The following SEMA7A variants were observed in gnomAD, a reference collection of about 807,000 sequenced individuals.
The protein encoded by SEMA7A is semaphorin-7A.
Under a neutral mutation model 67.5 loss-of-function variants are expected in SEMA7A, and 21 were observed. That is an observed-to-expected ratio of 0.31 (90% CI 0.22 to 0.45). The LOEUF (loss-of-function observed/expected upper bound fraction) is 0.45, where lower values mean the gene tolerates loss of function less well. SEMA7A is among the 20% of genes least tolerant of loss of function. The pLI, the probability that SEMA7A is intolerant of heterozygous loss-of-function variation, is 1.00. For missense variants in SEMA7A, 774 were observed against 908.6 expected (o/e 0.85, Z 1.90); for synonymous variants, 364 against 368.5 (o/e 0.99, Z 0.14).
rs1219137284 is a variant in SEMA7A at position 74,411,072 on chromosome 15, G to C, written c.1640-87C>G. ...TCCTCCCCACGGACTGGGATCCCAGGACAAGGCTTCTGAATGAACGTGGGG... is the reference window on the plus strand; with the variant it reads ...TCCTCCCCACGGACTGGGATCCCAGCACAAGGCTTCTGAATGAACGTGGGG... On this transcript the variant is annotated intron_variant, in intron 13 of 13. Coordinates refer to ENST00000261918, the MANE Select transcript of SEMA7A (RefSeq NM_003612.5). This position sits in a 1 kb window ranked among gnomAD's most constrained non-coding sequence, Gnocchi z 4.4. 1 of 1,522,746 alleles carries C rather than the reference G, an allele frequency of 6.6e-7. No individual in the cohort carries two copies. Among genetic ancestry groups the C allele is most frequent in the Non-Finnish European group, 8.8e-7 (1 of 1,137,204 alleles). The allele number at this position is 1,522,746 out of a possible 1,614,324, so 94.3% of individuals were successfully genotyped here.
At chr15:74,425,186 T>C (rs1035642136) in intron 1 of SEMA7A, among the ~76,000 whole-genome samples, 1 of 152,220 alleles carries the variant, frequency 6.6e-6, no homozygotes, top group Admixed American at 6.5e-5. Context: ...AGGAAGATGA[T>C]GACGACGATG....
chr15:74,417,185 C>T lies in SEMA7A; in HGVS notation c.661+150G>A. On this transcript the variant is annotated intron_variant, in intron 6 of 13. Coordinates refer to ENST00000261918, the MANE Select transcript of SEMA7A (RefSeq NM_003612.5). ...TCTGTTCCTCTGCTCCCAGCCAACCCTAACTTCTCAGGCCTATACCAAGGT... is the reference window on the plus strand; with the variant it reads ...TCTGTTCCTCTGCTCCCAGCCAACCTTAACTTCTCAGGCCTATACCAAGGT... 1.8e-5 allele frequency: 12 copies of T among 665,392 alleles called. 1 individual carries two copies. In the South Asian group the frequency reaches 2.1e-4, roughly 12 times the overall value. 41.2% of individuals were successfully genotyped at this position (665,392 alleles called of 1,614,324 possible). A position where few individuals can be genotyped will look rare whatever the true frequency, so the allele number is the denominator to read the frequency against.
At chr15:74,432,942 C>T (rs1253846384) in intron 1 of SEMA7A, among the ~76,000 whole-genome samples, 1 of 152,120 alleles carries the variant, frequency 6.6e-6, no homozygotes, top group African/African-American at 2.4e-5. Flanking sequence ...CTCCAGTCCC[C>T]CAGGTTCTTA....
rs924734946 is a variant in SEMA7A, at chr15:74,433,922, G to C, written c.-4C>G. 6.3e-5 allele frequency: 79 copies of C among 1,245,420 alleles called. No individual in the cohort carries two copies. The highest frequency in any genetic ancestry group is 7.4e-5 in the Non-Finnish European group (74 of 997,618). 77.1% of individuals were successfully genotyped at this position (1,245,420 alleles called of 1,614,324 possible). A position where few individuals can be genotyped will look rare whatever the true frequency, so the allele number is the denominator to read the frequency against. On this transcript the variant is annotated 5_prime_UTR_variant, in exon 1 of 14. Transcript: ENST00000261918. ...GTCCGGGCGGAGGAGGCGTCATCCC[G>C]TGGCCCCGGGAGCGACAGCGGCAAT...
intron 10 of SEMA7A, among the ~76,000 whole-genome samples, chr15:74,413,871 C>A (rs981891746): frequency 2.0e-5 from 3 of 152,156 alleles, no homozygotes; most frequent in Non-Finnish European, 4.4e-5. Flanking sequence ...AGGCCCTTTC[C>A]AGTCTCAAGG....
At chr15:74,427,865 GGGGCTCCC>G (rs1567078771) in intron 1 of SEMA7A, among the ~76,000 whole-genome samples, 1 of 152,192 alleles carries the variant, frequency 6.6e-6, no homozygotes, top group Non-Finnish European at 1.5e-5. Flanking sequence ...CAGGAATGTG[GGGGCTCCC>G]CAAGGGCAAA....
chr15:74,412,091 G>T, intron 10 of SEMA7A, 79 bp from the exon 11 acceptor site: 2 of 1,549,192 alleles, frequency 1.3e-6, no homozygotes, highest in Non-Finnish European at 1.8e-6. Flanking sequence ...CCGGGGAGGG[G>T]TGGGAAGTCA....
intron 10 of SEMA7A, among the ~76,000 whole-genome samples, chr15:74,413,563 G>A (rs1229395550): frequency 1.3e-5 from 2 of 152,174 alleles, no homozygotes; most frequent in African/African-American, 4.8e-5. Context: ...ATCCCTGGCT[G>A]ACCACAACAG....
chr15:74,433,637 C>T (rs1326005052), intron 1 of SEMA7A, 104 bp downstream of exon 1: 1 of 1,296,698 alleles, frequency 7.7e-7, no homozygotes, highest in Non-Finnish European at 9.8e-7. Flanking sequence ...CAGCCCGGGA[C>T]CCGCAGAGCT....
chr15:74,411,639 C>T lies in SEMA7A; in HGVS notation c.1494G>A (p.Gly498=). 1 of 1,611,556 alleles carries T rather than the reference C, an allele frequency of 6.2e-7. No individual in the cohort carries two copies. The highest frequency in any genetic ancestry group is 1.7e-4 in the Middle Eastern group (1 of 5,946). ...VPLDLCEVYG[G]GCHGCLMSRD... is the part of the protein sequence containing the mutation. ...GGGACATGAGGCAACCGTGGCAGCC[C>T]CCGCCATAGACCTCACACAGGTCCA... The change falls in exon 12 of 14, where the codon GGG becomes GGA. Residue 498 remains glycine (G), a synonymous_variant. Coordinates refer to ENST00000261918, the MANE Select transcript of SEMA7A (RefSeq NM_003612.5). The surrounding 1 kb of genome is among the most constrained non-coding windows in gnomAD (Gnocchi z 4.4).
intron 1 of SEMA7A, among the ~76,000 whole-genome samples, chr15:74,422,240 C>T (rs2141284123): frequency 6.6e-6 from 1 of 152,164 alleles, no homozygotes; most frequent in Non-Finnish European, 1.5e-5. Context: ...CCTCCCCATC[C>T]TCTGGCGTCC....
chr15:74,424,518 C>T (rs538309096), intron 1 of SEMA7A, among the ~76,000 whole-genome samples: 65 of 152,286 alleles, frequency 4.3e-4, no homozygotes, highest in African/African-American at 1.4e-3. Flanking sequence ...CCTGTATTGC[C>T]GTTTTACAAA....
chr15:74,410,540 C>T lies in SEMA7A; in HGVS notation c.*84G>A. 6.7e-7 allele frequency: 1 copy of T among 1,501,440 alleles called. No individual in the cohort carries two copies. The highest frequency in any genetic ancestry group is 8.9e-7 in the Non-Finnish European group (1 of 1,121,680). The allele number at this position is 1,501,440 out of a possible 1,614,324, so 93.0% of individuals were successfully genotyped here. A position where few individuals can be genotyped will look rare whatever the true frequency, so the allele number is the denominator to read the frequency against. On this transcript the variant is annotated 3_prime_UTR_variant, in exon 14 of 14. Coordinates refer to ENST00000261918, the MANE Select transcript of SEMA7A (RefSeq NM_003612.5). This position sits in a 1 kb window ranked among gnomAD's most constrained non-coding sequence, Gnocchi z 7.5. ...CCTGGAAGAAGTGGCAGGCAAGGAG[C>T]TCCCGGGCCAGCCGGCTCTGAGTGT...
At chr15:74,431,604 T>A (rs2061089028) in intron 1 of SEMA7A, among the ~76,000 whole-genome samples, 1 of 152,230 alleles carries the variant, frequency 6.6e-6, no homozygotes, top group African/African-American at 2.4e-5. Context: ...CACCCACCAC[T>A]GGTAGACAGA....
At chr15:74,425,678 C>A (rs980595153) in intron 1 of SEMA7A, among the ~76,000 whole-genome samples, 1 of 152,298 alleles carries the variant, frequency 6.6e-6, no homozygotes, top group South Asian at 2.1e-4. Context: ...CCCTGGCATC[C>A]GTTTTGAATA....
chr15:74,417,864 G>A lies in SEMA7A; in HGVS notation c.465+13C>T, dbSNP rs900599114. ...GGTGAGCTGATCAGGCACATGGGGAGCAGCCTTCTCACCAGGTTCCAGCAG... is the reference window on the plus strand; with the variant it reads ...GGTGAGCTGATCAGGCACATGGGGAACAGCCTTCTCACCAGGTTCCAGCAG... On this transcript the variant is annotated intron_variant, in intron 4 of 13. Coordinates refer to ENST00000261918, the MANE Select transcript of SEMA7A (RefSeq NM_003612.5). 1.1e-5 allele frequency: 17 copies of A among 1,613,052 alleles called. No homozygotes were observed. In the African/African-American group the frequency reaches 1.7e-4, roughly 16 times the overall value.
In SEMA7A at chr15:74,423,067, C is replaced by T. The variant is rs2061013833; in HGVS notation, c.179-4115G>A. 6.6e-6 allele frequency among the ~76,000 whole-genome samples: 1 copy of T among 152,228 alleles called. No homozygotes were observed. The highest frequency in any genetic ancestry group is 2.1e-4 in the South Asian group (1 of 4,834). On this transcript the variant is annotated intron_variant, in intron 1 of 13. Coordinates refer to ENST00000261918, the MANE Select transcript of SEMA7A (RefSeq NM_003612.5). The surrounding 1 kb of genome is among the most constrained non-coding windows in gnomAD (Gnocchi z 4.1). ...TTTTGAAAGTGGGCAGAGAGTCAGG[C>T]TCTGAAAATGGCAGGAATGTGGGCA...
chr15:74,428,264 G>A (rs1246305131), intron 1 of SEMA7A, among the ~76,000 whole-genome samples: 2 of 152,246 alleles, frequency 1.3e-5, no homozygotes, highest in Non-Finnish European at 2.9e-5. Context: ...GCTAGCAGAG[G>A]AGGAAAGGCA....
In SEMA7A at chr15:74,432,291, G is replaced by C. The variant is rs539380515; in HGVS notation, c.178+1450C>G. Reference sequence around the variant, plus strand: ...CTGCTGGGAGGGCAAAGGAAGCTTGGGCTGGAGCTGGGATGGCAGAGGGGT... The same window carrying C: ...CTGCTGGGAGGGCAAAGGAAGCTTGCGCTGGAGCTGGGATGGCAGAGGGGT... On this transcript the variant is annotated intron_variant, in intron 1 of 13. Transcript: ENST00000261918. Among the ~76,000 whole-genome samples, 5 of 152,274 alleles carry C rather than the reference G, an allele frequency of 3.3e-5. No individual in the cohort carries two copies. In the East Asian group the frequency reaches 7.7e-4, roughly 23 times the overall value.
Sources: allele counts gnomAD v4.1 joint callset (sites outside exome capture counted in the v4.1 genomes callset), GRCh38; gene constraint gnomAD v4.1.1; non-coding constraint Gnocchi (gnomAD v3.1); transcripts MANE v1.5; gene names NCBI Gene and HGNC (gene_info 2026-07-23, HGNC 2026-07-21).